Variants in GAS7 observed in about 807,000 individuals in gnomAD.
GAS7 encodes the protein growth arrest-specific protein 7.
A neutral mutation model predicts 71.1 loss-of-function variants in GAS7; 28 were observed. The observed-to-expected ratio is 0.39, with a 90% CI of 0.29 to 0.54. GAS7 has a LOEUF of 0.54. Among genes scored for constraint, GAS7 ranks in the 20% least tolerant of loss-of-function variants. The probability of loss-of-function intolerance (pLI) is 0.62; values close to 1 mark genes in which losing one functional copy is unlikely to be tolerated. For synonymous variants in GAS7, 258 were observed against 245.8 expected (o/e 1.05, Z -0.46); for missense variants, 436 against 627.8 (o/e 0.69, Z 3.27).
intron 1 of GAS7, among the ~76,000 whole-genome samples, chr17:10,062,762 C>T (rs964426833): frequency 1.6e-4 from 25 of 152,188 alleles, no homozygotes; most frequent in African/African-American, 6.0e-4. Flanking sequence ...TGCTCACATC[C>T]CTATTCTCTC....
intron 1 of GAS7, among the ~76,000 whole-genome samples, chr17:10,022,130 G>A (rs1310226573): frequency 1.3e-5 from 2 of 152,146 alleles, no homozygotes; most frequent in Non-Finnish European, 2.9e-5. Context: ...GGTGGCATAC[G>A]CCTGTGGTCC....
chr17:9,987,749 T>C (rs927744185), intron 2 of GAS7, among the ~76,000 whole-genome samples: 1 of 152,256 alleles, frequency 6.6e-6, no homozygotes, highest in African/African-American at 2.4e-5. Context: ...TAATAAATTT[T>C]AAAAACAGTG....
rs371779689 is a variant in GAS7, at chr17:10,093,757, T to A, written c.184-73860A>T. Among the ~76,000 whole-genome samples the A allele has an allele frequency of 3.4e-4, 52 of 152,284 alleles. No individual in the cohort carries two copies. The East Asian group carries it at 5.6e-3, about 16-fold the overall frequency. On this transcript the variant is annotated intron_variant, in intron 1 of 13. Coordinates refer to ENST00000432992, the MANE Select transcript of GAS7 (RefSeq NM_201433.2). The stretch of plus-strand genomic sequence containing the variant: ...AAATTTATTCTTAATACAGTTGACA[T>A]TAGACTCTATGTTCAGCTGACCCCA...
rs929780472 is a variant in GAS7 at position 9,914,127 on chromosome 17, T to C, written c.*3101A>G. 7 of 225,636 alleles carry C rather than the reference T, an allele frequency of 3.1e-5. No individual in the cohort carries two copies. Among genetic ancestry groups the C allele is most frequent in the African/African-American group, 1.3e-4 (6 of 44,878 alleles). The allele number at this position is 225,636 out of a possible 1,614,324, so 14.0% of individuals were successfully genotyped here. On this transcript the variant is annotated 3_prime_UTR_variant, in exon 14 of 14. Transcript: ENST00000432992. ...AGAAACGGGCCCCTGTTCATACGGATAGGGGTTCTGGACTGTTGACTCTAG... is the reference window on the plus strand; with the variant it reads ...AGAAACGGGCCCCTGTTCATACGGACAGGGGTTCTGGACTGTTGACTCTAG...
chr17:10,005,318 CAT>C (rs147127115), intron 2 of GAS7, among the ~76,000 whole-genome samples: 1,599 of 150,210 alleles, frequency 0.011, 31 homozygotes, highest in East Asian at 0.058. Context: ...TATACACACA[CAT>C]ATATATATAC....
chr17:10,018,300 C>T (rs1208811136), intron 2 of GAS7, among the ~76,000 whole-genome samples: 2 of 151,302 alleles, frequency 1.3e-5, no homozygotes, highest in Non-Finnish European at 3.0e-5. Flanking sequence ...AAAGCCATTT[C>T]CCCCCATGCC....
chr17:10,120,730 A>G (rs1451573240), intron 1 of GAS7, among the ~76,000 whole-genome samples: 2 of 152,002 alleles, frequency 1.3e-5, no homozygotes, highest in Non-Finnish European at 2.9e-5. Flanking sequence ...AAACAACAAC[A>G]ACAACAAAAA....
At chr17:10,069,599 T>C (rs185772488) in intron 1 of GAS7, among the ~76,000 whole-genome samples, 156 of 152,300 alleles carry the variant, frequency 1.0e-3, no homozygotes, top group African/African-American at 3.7e-3. Context: ...TTGCCCAAGG[T>C]CACAGTGTTA....
At chr17:10,085,669 G>A (rs981366780) in intron 1 of GAS7, among the ~76,000 whole-genome samples, 1 of 135,142 alleles carries the variant, frequency 7.4e-6, no homozygotes, top group African/African-American at 2.8e-5. Context: ...TCCAGCCTGG[G>A]CGACAGAGCG....
At chr17:10,017,350 G>C (rs2072077740) in intron 2 of GAS7, among the ~76,000 whole-genome samples, 1 of 148,708 alleles carries the variant, frequency 6.7e-6, no homozygotes, top group Non-Finnish European at 1.5e-5. Flanking sequence ...CCTTGAGACA[G>C]ACGGAGTCTT....
At chr17:9,990,655 G>A (rs117124505) in intron 2 of GAS7, among the ~76,000 whole-genome samples, 26 of 152,348 alleles carry the variant, frequency 1.7e-4, no homozygotes, top group Non-Finnish European at 2.9e-4. Context: ...GCAGAAGCAT[G>A]TCCTTCATCA....
chr17:10,161,830 C>T lies in GAS7; in HGVS notation c.183+36378G>A, dbSNP rs544535093. ...GTGTAATCCCAGCATTTTGGGAGGC[C>T]GAGGCGGGCGGATCATGAGGTCAGG... On this transcript the variant is annotated intron_variant, in intron 1 of 13. Transcript: ENST00000432992. Among the ~76,000 whole-genome samples the T allele has an allele frequency of 3.9e-5, 6 of 152,060 alleles. No individual in the cohort carries two copies. In the South Asian group the frequency reaches 1.2e-3, roughly 32 times the overall value.
At chr17:9,925,325 G>C in intron 11 of GAS7, 151 bp downstream of exon 11, 1 of 758,270 alleles carries the variant, frequency 1.3e-6, no homozygotes, top group Non-Finnish European at 2.2e-6. Context: ...GAGAAGGGAA[G>C]AGGGGGTACC....
At chr17:10,059,423 C>T (rs1291729083) in intron 1 of GAS7, among the ~76,000 whole-genome samples, 4 of 152,210 alleles carry the variant, frequency 2.6e-5, no homozygotes, top group Non-Finnish European at 4.4e-5. Context: ...AGATACTTCC[C>T]CTGCCCAAGT....
chr17:10,170,068 G>A (rs2074324772), intron 1 of GAS7, among the ~76,000 whole-genome samples: 1 of 152,070 alleles, frequency 6.6e-6, no homozygotes, highest in African/African-American at 2.4e-5. Flanking sequence ...ATCCAGTGGT[G>A]ACAGCCATGT....
intron 1 of GAS7, among the ~76,000 whole-genome samples, chr17:10,063,116 T>C (rs978743325): frequency 6.6e-6 from 1 of 152,166 alleles, no homozygotes; most frequent in Non-Finnish European, 1.5e-5. Flanking sequence ...GGAAGCAGAG[T>C]GGCTCTGTGG....
intron 3 of GAS7, among the ~76,000 whole-genome samples, chr17:9,973,504 T>C (rs994163423): frequency 6.6e-6 from 1 of 152,200 alleles, no homozygotes; most frequent in Non-Finnish European, 1.5e-5. Flanking sequence ...TCCGCCAGCC[T>C]CAGCCTCCCA....
At chr17:10,161,681 C>G (rs1392717045) in intron 1 of GAS7, among the ~76,000 whole-genome samples, 5 of 152,122 alleles carry the variant, frequency 3.3e-5, no homozygotes, top group Non-Finnish European at 7.4e-5. Flanking sequence ...ACATTTAAAT[C>G]AAATATGCCC....
At chr17:10,077,288 G>C (rs1386045490) in intron 1 of GAS7, among the ~76,000 whole-genome samples, 1 of 152,058 alleles carries the variant, frequency 6.6e-6, no homozygotes, top group Non-Finnish European at 1.5e-5. Flanking sequence ...ATTGAAAACG[G>C]GCTGTTTATA....
Sources: gnomAD v4.1 joint callset for allele counts (sites outside exome capture counted in the v4.1 genomes callset) on GRCh38, gnomAD v4.1.1 for gene constraint, MANE v1.5 for transcripts, NCBI Gene and HGNC (gene_info 2026-07-23, HGNC 2026-07-21) for gene names.